Variants in DLG2 observed in about 807,000 individuals in gnomAD.
The protein encoded by DLG2 is discs large MAGUK scaffold protein 2.
In DLG2, 45 loss-of-function variants were observed where a neutral mutation model predicts 132.5. The ratio of observed to expected loss-of-function variants is 0.34; its 90% CI spans 0.27 to 0.44. DLG2 has a LOEUF of 0.44. Ranked by LOEUF, DLG2 falls within the 20% of genes least tolerant of loss-of-function variation. The pLI is 1.00. For missense variants in DLG2, 1,045 were observed against 1,196.9 expected, an observed-to-expected ratio of 0.87 and a Z score of 1.87; for synonymous variants, 424 against 419.6, an observed-to-expected ratio of 1.01 and a Z score of -0.13.
At chr11:84,256,442 C>T (rs530066109) in intron 7 of DLG2, among the ~76,000 whole-genome samples, 41 of 151,968 alleles carry the variant, frequency 2.7e-4, no homozygotes, top group Middle Eastern at 3.4e-3. Context: ...TAATCTAGTA[C>T]CTAGACTTTT....
chr11:84,928,982 G>GTGTGTGTGTATATA (rs1400906684), intron 6 of DLG2, among the ~76,000 whole-genome samples: 114 of 49,100 alleles, frequency 2.3e-3, no homozygotes, highest in Non-Finnish European at 3.1e-3. Flanking sequence ...GTGTGTGTGT[G>GTGTGTGTGTATATA]TATATATATA....
At chr11:84,000,985 A>G (rs548055442) in intron 11 of DLG2, among the ~76,000 whole-genome samples, 1 of 152,214 alleles carries the variant, frequency 6.6e-6, no homozygotes, top group South Asian at 2.1e-4. Flanking sequence ...CATGACAGAA[A>G]GCTACCAAAC....
intron 3 of DLG2, among the ~76,000 whole-genome samples, chr11:85,587,597 G>A (rs1261688632): frequency 6.6e-6 from 1 of 152,132 alleles, no homozygotes; most frequent in Non-Finnish European, 1.5e-5. Flanking sequence ...TATGCGTTAA[G>A]TGAATCTCTT....
intron 8 of DLG2, among the ~76,000 whole-genome samples, chr11:84,211,577 A>C (rs2096755527): frequency 6.6e-6 from 1 of 152,190 alleles, no homozygotes; most frequent in South Asian, 2.1e-4. Flanking sequence ...AAAAAGGGAA[A>C]GCTTATGGGT....
chr11:85,175,650 A>T (rs2079182859), intron 4 of DLG2, among the ~76,000 whole-genome samples: 1 of 152,150 alleles, frequency 6.6e-6, no homozygotes, highest in Admixed American at 6.6e-5. Context: ...GAATAATCAA[A>T]TAGGAAGAGA....
At chr11:85,356,937 G>A (rs751866048) in intron 3 of DLG2, among the ~76,000 whole-genome samples, 15 of 152,062 alleles carry the variant, frequency 9.9e-5, no homozygotes, top group Non-Finnish European at 2.1e-4. Flanking sequence ...AAAGGCTTAG[G>A]AAGCAGAATA....
intron 6 of DLG2, among the ~76,000 whole-genome samples, chr11:85,083,100 T>C (rs1593856228): frequency 6.6e-6 from 1 of 152,166 alleles, no homozygotes; most frequent in East Asian, 1.9e-4. Flanking sequence ...GGAAGTGAGC[T>C]AAAACTCCAG....
intron 6 of DLG2, among the ~76,000 whole-genome samples, chr11:84,812,540 C>T (rs2076676958): frequency 6.6e-6 from 1 of 152,132 alleles, no homozygotes; most frequent in Admixed American, 6.6e-5. Flanking sequence ...TGCCTCTCCA[C>T]CATATGTGAC....
chr11:85,361,482 A>T (rs1349960524), intron 3 of DLG2, among the ~76,000 whole-genome samples: 1 of 152,110 alleles, frequency 6.6e-6, no homozygotes, highest in African/African-American at 2.4e-5. Flanking sequence ...TGGAGTCTCC[A>T]ATGGCTATTA....
At chr11:84,440,471 A>T (rs1281336509) in intron 7 of DLG2, among the ~76,000 whole-genome samples, 1 of 152,198 alleles carries the variant, frequency 6.6e-6, no homozygotes, top group Non-Finnish European at 1.5e-5. Context: ...TGCCATATTT[A>T]TACAACCATC....
rs540657232 is a variant in DLG2 at position 84,973,147 on chromosome 11, C to T, written c.357+138514G>A. On this transcript the variant is annotated intron_variant, in intron 6 of 27. Transcript: ENST00000376104. ...TAATTTTTTGTATTTTTAGTAGAGA[C>T]GGGGTTTCGCCATGTTGGCCAGGCT... Among the ~76,000 whole-genome samples, 8 of 151,736 alleles carry T rather than the reference C, an allele frequency of 5.3e-5. No homozygotes were observed. The East Asian group carries it at 1.2e-3, about 22-fold the overall frequency.
At chr11:85,546,941 G>A (rs573350643) in intron 3 of DLG2, among the ~76,000 whole-genome samples, 1 of 151,022 alleles carries the variant, frequency 6.6e-6, no homozygotes, top group East Asian at 2.0e-4. Flanking sequence ...ACATCAATGG[G>A]TCTTGACTCT....
intron 4 of DLG2, among the ~76,000 whole-genome samples, chr11:85,177,713 T>G (rs1207824347): frequency 6.6e-6 from 1 of 152,120 alleles, no homozygotes; most frequent in Non-Finnish European, 1.5e-5. Context: ...TATGAGATTC[T>G]TATTAACTAC....
chr11:85,520,771 T>C (rs2153176307), intron 3 of DLG2, among the ~76,000 whole-genome samples: 1 of 152,148 alleles, frequency 6.6e-6, no homozygotes, highest in African/African-American at 2.4e-5. Context: ...GAAAGGATAG[T>C]CTCCTCAATA....
rs1264328475 is a variant in DLG2, at chr11:84,787,782, C to A, written c.358-253051G>T. ...ACATCCATTAAACTAGTGGTTCATACAAAATTATGTGGGAATGTGAAGAAG... is the reference window on the plus strand; with the variant it reads ...ACATCCATTAAACTAGTGGTTCATAAAAAATTATGTGGGAATGTGAAGAAG... On this transcript the variant is annotated intron_variant, in intron 6 of 27. Coordinates refer to ENST00000376104, the MANE Select transcript of DLG2 (RefSeq NM_001142699.3). Among the ~76,000 whole-genome samples, 10 of 151,850 alleles carry A rather than the reference C, an allele frequency of 6.6e-5. No homozygotes were observed. The South Asian group carries it at 1.7e-3, about 25-fold the overall frequency.
intron 6 of DLG2, among the ~76,000 whole-genome samples, chr11:85,076,444 C>G (rs546692181): frequency 6.6e-6 from 1 of 151,930 alleles, no homozygotes; most frequent in Non-Finnish European, 1.5e-5. Flanking sequence ...TTTATTCATC[C>G]ACCTGGAGGC....
intron 6 of DLG2, chr11:85,020,832 C>T (rs1325059094): frequency 8.1e-6 from 6 of 742,834 alleles, no homozygotes; most frequent in Non-Finnish European, 1.5e-5. Context: ...TCAGCTCCAG[C>T]TGGCCATCCC....
chr11:84,288,071 T>C (rs2097933895), intron 7 of DLG2, among the ~76,000 whole-genome samples: 1 of 152,036 alleles, frequency 6.6e-6, no homozygotes, highest in Non-Finnish European at 1.5e-5. Flanking sequence ...TAGATGAGTC[T>C]GGGTAGCTAT....
At chr11:83,896,704 T>C (rs558442042) in intron 15 of DLG2, among the ~76,000 whole-genome samples, 2 of 152,158 alleles carry the variant, frequency 1.3e-5, no homozygotes, top group African/African-American at 2.4e-5. Flanking sequence ...AGGAGATTAA[T>C]TGTAAGTGGG....
Sources: gnomAD v4.1 joint callset for allele counts (sites outside exome capture counted in the v4.1 genomes callset) on GRCh38, gnomAD v4.1.1 for gene constraint, MANE v1.5 for transcripts, NCBI Gene and HGNC (gene_info 2026-07-23, HGNC 2026-07-21) for gene names.